The following PIK3AP1 variants were observed in gnomAD, a reference collection of about 807,000 sequenced individuals.
PIK3AP1 encodes the protein phosphoinositide-3-kinase adaptor protein 1.
In PIK3AP1, 21 loss-of-function variants were observed where a neutral mutation model predicts 88.1. The ratio of observed to expected loss-of-function variants is 0.24; its 90% CI spans 0.17 to 0.34. The LOEUF (loss-of-function observed/expected upper bound fraction) is 0.34. Ranked by LOEUF, PIK3AP1 falls within the 10% of genes least tolerant of loss-of-function variation. The pLI is 1.00. For synonymous variants in PIK3AP1, 398 were observed against 400.0 expected (o/e 1.00, Z 0.06); for missense variants, 828 against 1,035.7 (o/e 0.80, Z 2.75).
chr10:96,672,718 T>C (rs1394390999), intron 2 of PIK3AP1, among the ~76,000 whole-genome samples: 1 of 152,048 alleles, frequency 6.6e-6, no homozygotes, highest in Non-Finnish European at 1.5e-5. Flanking sequence ...CCACCAATGA[T>C]AAAACCTGCC....
chr10:96,681,435 T>G (rs145217790), intron 2 of PIK3AP1, among the ~76,000 whole-genome samples: 307 of 152,318 alleles, frequency 2.0e-3, no homozygotes, highest in Non-Finnish European at 3.5e-3. Context: ...CCACGAAACC[T>G]AAACCAGGGC....
intron 11 of PIK3AP1, among the ~76,000 whole-genome samples, chr10:96,622,695 G>A (rs1843101654): frequency 6.6e-6 from 1 of 152,176 alleles, no homozygotes; most frequent in Non-Finnish European, 1.5e-5. Flanking sequence ...CCCTTTGGGG[G>A]ATGCCTTCAA....
chr10:96,623,571 A>G, intron 10 of PIK3AP1, 34 bp from the exon 11 acceptor site: 8 of 1,537,840 alleles, frequency 5.2e-6, no homozygotes, highest in Non-Finnish European at 7.2e-6. Context: ...TTACTGAAAA[A>G]GTATCAAAAT....
chr10:96,610,258 G>A (rs577588835), intron 13 of PIK3AP1, among the ~76,000 whole-genome samples: 1 of 152,250 alleles, frequency 6.6e-6, no homozygotes, highest in South Asian at 2.1e-4. Flanking sequence ...ATCTGAGGAG[G>A]GGTATCTCCA....
chr10:96,660,366 T>C (rs1056572453), intron 2 of PIK3AP1, among the ~76,000 whole-genome samples: 2 of 152,146 alleles, frequency 1.3e-5, no homozygotes, highest in African/African-American at 4.8e-5. Context: ...TCTGTATATC[T>C]TGAAAAGATG....
chr10:96,652,941 A>C (rs1171717957), intron 3 of PIK3AP1, 99 bp from the exon 4 acceptor site: 3 of 1,366,142 alleles, frequency 2.2e-6, no homozygotes, highest in African/African-American at 2.9e-5. Context: ...AGCTCTACCT[A>C]GTGAGAATCT....
At chr10:96,633,227 A>C (rs1238125540) in intron 8 of PIK3AP1, 5 of 701,176 alleles carry the variant, frequency 7.1e-6, no homozygotes, top group Non-Finnish European at 1.1e-5. Context: ...GCAATTTACC[A>C]ATCAGGAGCC....
At chr10:96,625,438 CA>C (rs1022930283) in intron 10 of PIK3AP1, among the ~76,000 whole-genome samples, 1 of 152,210 alleles carries the variant, frequency 6.6e-6, no homozygotes, top group African/African-American at 2.4e-5. Context: ...CTGCAGGCCA[CA>C]AGCACTGACA....
rs183632323 is a variant in PIK3AP1, at chr10:96,621,182, G to A, written c.1736-625C>T. On this transcript the variant is annotated intron_variant, in intron 11 of 16. Transcript: ENST00000339364. ...CAGCACAGAGCCAGTGGCCTGTCAC[G>A]TTGCAAAGGCTGGTGTGGGGCTTGC... is the stretch of plus-strand genomic sequence containing the variant. 107 of 155,156 alleles carry A rather than the reference G, an allele frequency of 6.9e-4. 8 individuals are homozygous for A. In the East Asian group the frequency reaches 0.018, roughly 26 times the overall value. The allele number at this position is 155,156 out of a possible 1,614,324, so 9.6% of individuals were successfully genotyped here.
chr10:96,684,576 G>A (rs1844044728), intron 2 of PIK3AP1, among the ~76,000 whole-genome samples: 3 of 152,212 alleles, frequency 2.0e-5, no homozygotes, highest in South Asian at 4.1e-4. Flanking sequence ...CTATGCCACT[G>A]AGTTACTGGA....
chr10:96,607,135 T>G (rs1462408296), intron 14 of PIK3AP1, among the ~76,000 whole-genome samples: 1 of 152,152 alleles, frequency 6.6e-6, no homozygotes, highest in Non-Finnish European at 1.5e-5. Context: ...CAGTGTTTTT[T>G]TTAGGGTGTG....
intron 2 of PIK3AP1, among the ~76,000 whole-genome samples, chr10:96,707,923 A>C (rs999857000): frequency 6.6e-6 from 1 of 152,224 alleles, no homozygotes; most frequent in African/African-American, 2.4e-5. Flanking sequence ...GACATGTTTT[A>C]CATTCACACT....
intron 8 of PIK3AP1, among the ~76,000 whole-genome samples, chr10:96,628,993 C>T (rs1042066596): frequency 1.3e-5 from 2 of 148,170 alleles, no homozygotes; most frequent in South Asian, 2.2e-4. Flanking sequence ...ACTCCAGCCT[C>T]GAACTCCTGG....
chr10:96,625,853 A>T (rs534301920), intron 10 of PIK3AP1, among the ~76,000 whole-genome samples: 2 of 152,144 alleles, frequency 1.3e-5, no homozygotes, highest in Non-Finnish European at 2.9e-5. Context: ...GGCTCAAGCA[A>T]TCCTTCCACC....
In PIK3AP1 at chr10:96,652,445, T is replaced by C. The variant is rs7912459; in HGVS notation, c.712+253A>G. On this transcript the variant is annotated intron_variant, in intron 4 of 16. Transcript: ENST00000339364. ...AAAATTAGTCAGGTGTGGTGGTGGG[T>C]GCCTGTAGTCCCAGCTACTTGGGAG... Among the ~76,000 whole-genome samples, 1,296 of 152,024 alleles carry C rather than the reference T, an allele frequency of 8.5e-3. 15 individuals are homozygous for C. The highest frequency in any genetic ancestry group is 0.028 in the African/African-American group (1,163 of 41,456).
At chr10:96,647,675 G>C (rs1209932080) in intron 7 of PIK3AP1, among the ~76,000 whole-genome samples, 1 of 152,210 alleles carries the variant, frequency 6.6e-6, no homozygotes, top group Non-Finnish European at 1.5e-5. Flanking sequence ...TCACTGTCTT[G>C]TAGATTTTCC....
intron 8 of PIK3AP1, among the ~76,000 whole-genome samples, chr10:96,643,993 G>C (rs1168790215): frequency 1.3e-5 from 2 of 152,226 alleles, no homozygotes; most frequent in Non-Finnish European, 2.9e-5. Context: ...ATTTGGTAGC[G>C]AATGATGGTA....
intron 2 of PIK3AP1, among the ~76,000 whole-genome samples, chr10:96,673,812 G>A (rs1843880509): frequency 6.6e-6 from 1 of 152,190 alleles, no homozygotes; most frequent in Non-Finnish European, 1.5e-5. Context: ...TAACTAAGCT[G>A]AAGAAATTGA....
intron 1 of PIK3AP1, among the ~76,000 whole-genome samples, chr10:96,716,934 G>A (rs974164096): frequency 1.1e-4 from 16 of 152,108 alleles, no homozygotes; most frequent in African/African-American, 2.4e-5. Flanking sequence ...GTGAAAAGCT[G>A]GGGCTGAAAG....
Sources: allele counts gnomAD v4.1 joint callset (sites outside exome capture counted in the v4.1 genomes callset), GRCh38; gene constraint gnomAD v4.1.1; transcripts MANE v1.5; gene names NCBI Gene and HGNC (gene_info 2026-07-23, HGNC 2026-07-21).